The following FOXK1 variants were observed in gnomAD, a reference collection of about 807,000 sequenced individuals.
The protein encoded by FOXK1 is forkhead box protein K1.
In FOXK1, 19 loss-of-function variants were observed where a neutral mutation model predicts 51.9. The observed-to-expected ratio is 0.37, with a 90% CI of 0.26 to 0.54. The LOEUF (loss-of-function observed/expected upper bound fraction) is 0.54, where lower values mean the gene tolerates loss of function less well. FOXK1 is among the 20% of genes least tolerant of loss of function. The pLI is 0.87. For synonymous variants in FOXK1, 537 were observed against 482.6 expected (o/e 1.11, Z -1.48); for missense variants, 870 against 1,032.7 (o/e 0.84, Z 2.16).
rs554512023 is a variant in FOXK1 at position 4,754,796 on chromosome 7, A to T, written c.903+181A>T. 148 of 770,656 alleles carry T rather than the reference A, an allele frequency of 1.9e-4. No homozygotes were observed. In the African/African-American group the frequency reaches 2.3e-3, roughly 12 times the overall value. 47.7% of individuals were successfully genotyped at this position (770,656 alleles called of 1,614,324 possible). On this transcript the variant is annotated intron_variant, in intron 3 of 8. Coordinates refer to ENST00000328914, the MANE Select transcript of FOXK1 (RefSeq NM_001037165.2). ...CGGCCCTTTCTCGTTTTCGTGCCCAAATCATCCCCGTTGGTCATTTGCTGG... is the reference window on the plus strand; with the variant it reads ...CGGCCCTTTCTCGTTTTCGTGCCCATATCATCCCCGTTGGTCATTTGCTGG...
intron 3 of FOXK1, 91 bp downstream of exon 3, chr7:4,754,706 G>C (rs1030113877): frequency 6.9e-7 from 1 of 1,439,712 alleles, no homozygotes; most frequent in African/African-American, 1.4e-5. Flanking sequence ...CCCAGGGCCT[G>C]CGGGCGTGTG....
chr7:4,768,654 G>A lies in FOXK1; in HGVS notation c.*6190G>A, dbSNP rs1781052217. On this transcript the variant is annotated 3_prime_UTR_variant, in exon 9 of 9. Coordinates refer to ENST00000328914, the MANE Select transcript of FOXK1 (RefSeq NM_001037165.2). ...AGGCCTGCCATGCACCATGAGCAGG[G>A]GTGCTACCTGGGTGTGTGAAGTTGG... 1 of 152,518 alleles carries A rather than the reference G, an allele frequency of 6.6e-6. No individual in the cohort carries two copies. Among genetic ancestry groups the A allele is most frequent in the Admixed American group, 6.5e-5 (1 of 15,292 alleles). 9.4% of individuals were successfully genotyped at this position (152,518 alleles called of 1,614,324 possible).
chr7:4,719,161 G>A (rs1046199369), intron 1 of FOXK1, among the ~76,000 whole-genome samples: 2 of 148,552 alleles, frequency 1.3e-5, no homozygotes, highest in Non-Finnish European at 3.0e-5. Context: ...TTTGAGACAG[G>A]GTCTCACTCT....
chr7:4,752,298 C>T (rs929169677), intron 2 of FOXK1, among the ~76,000 whole-genome samples: 4 of 152,246 alleles, frequency 2.6e-5, no homozygotes, highest in African/African-American at 9.6e-5. Flanking sequence ...GTGCACACCA[C>T]CACACCTGTC....
rs1363612462 is a variant in FOXK1 at position 4,723,522 on chromosome 7, C to G, written c.561-17316C>G. On this transcript the variant is annotated intron_variant, in intron 1 of 8. Transcript: ENST00000328914. The surrounding 1 kb of genome is among the most constrained non-coding windows in gnomAD (Gnocchi z 4.7). ...ATGCAGCCCCGAGCCTTCCTGTTGCCTCTAGGGCCTGTCCATCCCGTCAGC... is the reference window on the plus strand; with the variant it reads ...ATGCAGCCCCGAGCCTTCCTGTTGCGTCTAGGGCCTGTCCATCCCGTCAGC... Among the ~76,000 whole-genome samples the G allele has an allele frequency of 1.3e-5, 2 of 152,052 alleles. No individual in the cohort carries two copies. The highest frequency in any genetic ancestry group is 4.8e-5 in the African/African-American group (2 of 41,394).
intron 1 of FOXK1, among the ~76,000 whole-genome samples, chr7:4,726,185 G>A (rs569262795): frequency 5.5e-4 from 83 of 152,220 alleles, no homozygotes; most frequent in Middle Eastern, 3.4e-3. Context: ...TGCAGTGAGG[G>A]ACAGGAGGCT....
In FOXK1 at chr7:4,723,818, C is replaced by T. The variant is rs1176837534; in HGVS notation, c.561-17020C>T. Among the ~76,000 whole-genome samples, 1 of 152,116 alleles carries T rather than the reference C, an allele frequency of 6.6e-6. No individual in the cohort carries two copies. Among genetic ancestry groups the T allele is most frequent in the Non-Finnish European group, 1.5e-5 (1 of 68,016 alleles). ...AAATAGCTGAGACTACCAGTGTGCA[C>T]CACCACACCTGGCTGACTTCTTTGT... is the stretch of plus-strand genomic sequence containing the variant. On this transcript the variant is annotated intron_variant, in intron 1 of 8. Coordinates refer to ENST00000328914, the MANE Select transcript of FOXK1 (RefSeq NM_001037165.2). The surrounding 1 kb of genome is among the most constrained non-coding windows in gnomAD (Gnocchi z 4.7).
At chr7:4,719,690 C>T (rs1330265952) in intron 1 of FOXK1, among the ~76,000 whole-genome samples, 2 of 138,956 alleles carry the variant, frequency 1.4e-5, no homozygotes, top group South Asian at 2.4e-4. Flanking sequence ...CCATGTTGGC[C>T]AGGCTGGTCT....
rs1780424132 is a variant in FOXK1 at position 4,729,571 on chromosome 7, C to T, written c.561-11267C>T. 3.3e-5 allele frequency among the ~76,000 whole-genome samples: 5 copies of T among 152,310 alleles called. No individual in the cohort carries two copies. The South Asian group carries it at 1.0e-3, about 32-fold the overall frequency. ...ACCCGGCAGGACACACACCTGAGCCCCAGGGAGGGTCGGTGGCCATGGCTG... is the reference window on the plus strand; with the variant it reads ...ACCCGGCAGGACACACACCTGAGCCTCAGGGAGGGTCGGTGGCCATGGCTG... On this transcript the variant is annotated intron_variant, in intron 1 of 8. Coordinates refer to ENST00000328914, the MANE Select transcript of FOXK1 (RefSeq NM_001037165.2). This position sits in a 1 kb window ranked among gnomAD's most constrained non-coding sequence, Gnocchi z 6.2.
chr7:4,704,924 C>T (rs746218861), intron 1 of FOXK1, among the ~76,000 whole-genome samples: 1 of 150,592 alleles, frequency 6.6e-6, no homozygotes, highest in South Asian at 2.1e-4. Flanking sequence ...CTCCACCTCC[C>T]TGGTTCAAGT....
chr7:4,732,957 G>A (rs553685907), intron 1 of FOXK1, among the ~76,000 whole-genome samples: 2 of 152,282 alleles, frequency 1.3e-5, no homozygotes, highest in South Asian at 2.1e-4. Context: ...CTAGAACTTC[G>A]CTCAGCAGTT....
At chr7:4,697,789 GTTTC>G (rs1000059766) in intron 1 of FOXK1, among the ~76,000 whole-genome samples, 2 of 120,812 alleles carry the variant, frequency 1.7e-5, no homozygotes, top group African/African-American at 3.2e-5. Flanking sequence ...GTGTGTGTGT[GTTTC>G]TTTGGTATGA....
intron 7 of FOXK1, among the ~76,000 whole-genome samples, chr7:4,760,432 C>A (rs1780916603): frequency 6.6e-6 from 1 of 152,176 alleles, no homozygotes; most frequent in East Asian, 1.9e-4. Flanking sequence ...TTCAATGCTG[C>A]CGTAATGAAA....
At chr7:4,688,501 TC>T (rs1299229550) in intron 1 of FOXK1, among the ~76,000 whole-genome samples, 8 of 152,010 alleles carry the variant, frequency 5.3e-5, no homozygotes, top group African/African-American at 1.9e-4. Flanking sequence ...TTCAAGCGAT[TC>T]CCCCTGCCTC....
chr7:4,739,643 G>A (rs1426868867), intron 1 of FOXK1, among the ~76,000 whole-genome samples: 1 of 152,174 alleles, frequency 6.6e-6, no homozygotes, highest in Non-Finnish European at 1.5e-5. Context: ...TAGAAAAACC[G>A]AGGCTCACGG....
chr7:4,762,027 G>A lies in FOXK1; in HGVS notation c.1922-157G>A, dbSNP rs1294370251. Among the ~76,000 whole-genome samples, 4 of 152,044 alleles carry A rather than the reference G, an allele frequency of 2.6e-5. No individual in the cohort carries two copies. The highest frequency in any genetic ancestry group is 9.7e-5 in the African/African-American group (4 of 41,424). ...GATGAGGTGGGGAGGGGACGGCAGG[G>A]CCCGCAGGGAGCAGAGCAAGGGTAG... On this transcript the variant is annotated intron_variant, in intron 8 of 8. Coordinates refer to ENST00000328914, the MANE Select transcript of FOXK1 (RefSeq NM_001037165.2). This position sits in a 1 kb window ranked among gnomAD's most constrained non-coding sequence, Gnocchi z 5.7.
intron 2 of FOXK1, among the ~76,000 whole-genome samples, 177 bp from the exon 3 acceptor site, chr7:4,754,282 C>T (rs988669282): frequency 6.6e-6 from 1 of 152,232 alleles, no homozygotes; most frequent in Non-Finnish European, 1.5e-5. Flanking sequence ...CTGCCGTTTC[C>T]AGCATCTTGT....
chr7:4,704,920 C>T (rs946166203), intron 1 of FOXK1, among the ~76,000 whole-genome samples: 1 of 150,772 alleles, frequency 6.6e-6, no homozygotes, highest in Non-Finnish European at 1.5e-5. Flanking sequence ...CAACCTCCAC[C>T]TCCCTGGTTC....
chr7:4,706,034 G>GTA (rs1491562005), intron 1 of FOXK1, among the ~76,000 whole-genome samples: 1 of 95,428 alleles, frequency 1.0e-5, no homozygotes, highest in African/African-American at 1.0e-4. Flanking sequence ...GTGTATATAC[G>GTA]TGTATATACG....
Sources: allele counts gnomAD v4.1 joint callset (sites outside exome capture counted in the v4.1 genomes callset), GRCh38; gene constraint gnomAD v4.1.1; non-coding constraint Gnocchi (gnomAD v3.1); transcripts MANE v1.5; gene names NCBI Gene and HGNC (gene_info 2026-07-23, HGNC 2026-07-21).